The following RBFOX1 variants were observed in gnomAD, a reference collection of about 807,000 sequenced individuals.
RBFOX1 encodes the protein RNA binding fox-1 homolog 1.
In RBFOX1, 8 loss-of-function variants were observed where a neutral mutation model predicts 57.7. The observed-to-expected ratio is 0.14, with a 90% CI of 0.08 to 0.25. RBFOX1 has a LOEUF of 0.25. Ranked by LOEUF, RBFOX1 falls within the 10% of genes least tolerant of loss-of-function variation. RBFOX1 has a pLI of 1.00. For synonymous variants in RBFOX1, 326 were observed against 222.4 expected (o/e 1.47, Z -4.15); for missense variants, 611 against 548.5 (o/e 1.11, Z -1.14).
In RBFOX1 at chr16:7,147,951, C is replaced by A. The variant is rs74993258; in HGVS notation, c.27+95853C>A. 2.9e-3 allele frequency among the ~76,000 whole-genome samples: 440 copies of A among 152,300 alleles called. 3 individuals are homozygous for A. The highest frequency in any genetic ancestry group is 4.5e-3 in the Non-Finnish European group (307 of 68,022). The stretch of plus-strand genomic sequence containing the variant: ...TTCTCACCAACAGTGTAAATGCCTT[C>A]CTCAAGGAGTAATGCCTAGTTAGAA... On this transcript the variant is annotated intron_variant, in intron 4 of 15. Coordinates refer to ENST00000550418, the MANE Select transcript of RBFOX1 (RefSeq NM_018723.4).
At chr16:5,626,971 G>A (rs973866965) in intron 3 of RBFOX1, among the ~76,000 whole-genome samples, 1 of 152,110 alleles carries the variant, frequency 6.6e-6, no homozygotes, top group African/African-American at 2.4e-5. Context: ...AGATAAATCA[G>A]CTTCCTTTTA....
chr16:6,601,435 C>T (rs973860443), intron 2 of RBFOX1, among the ~76,000 whole-genome samples: 6 of 152,072 alleles, frequency 3.9e-5, no homozygotes, highest in South Asian at 2.1e-4. Context: ...GTCCTAAAAT[C>T]GGTGTTTGTC....
chr16:6,973,266 C>T (rs2085998078), intron 3 of RBFOX1, among the ~76,000 whole-genome samples: 1 of 152,128 alleles, frequency 6.6e-6, no homozygotes, highest in Non-Finnish European at 1.5e-5. Flanking sequence ...ACAGTAAGTA[C>T]TTGGAATCAA....
At chr16:7,575,308 C>A (rs910702269) in intron 5 of RBFOX1, among the ~76,000 whole-genome samples, 54 of 152,088 alleles carry the variant, frequency 3.6e-4, no homozygotes, top group African/African-American at 1.3e-3. Context: ...CTAATTTTTG[C>A]ACTTTTAGTA....
Position 7,360,718 on chromosome 16 carries a change from A to G in RBFOX1, c.28-157429A>G, listed in dbSNP as rs2097304279. On this transcript the variant is annotated intron_variant, in intron 4 of 15. Transcript: ENST00000550418. ...AAATCTTCTCTGGATAATGCTGTCA[A>G]CACACAGCCAATGTCCCACACACTG... Among the ~76,000 whole-genome samples the G allele has an allele frequency of 3.9e-5, 6 of 152,306 alleles. No homozygotes were observed. In the South Asian group the frequency reaches 1.2e-3, roughly 32 times the overall value.
chr16:7,655,626 A>G lies in RBFOX1; in HGVS notation c.890+1679A>G, dbSNP rs73492741. 2.5e-3 allele frequency among the ~76,000 whole-genome samples: 380 copies of G among 152,344 alleles called. 3 individuals are homozygous for G. Among genetic ancestry groups the G allele is most frequent in the African/African-American group, 8.3e-3 (347 of 41,580 alleles). On this transcript the variant is annotated intron_variant, in intron 12 of 15. Transcript: ENST00000550418. ...ATCATGTAATGAGTTATGAAGGAAAAAGAAAATCCCAAGTTACCTTTGGGC... is the reference window on the plus strand; with the variant it reads ...ATCATGTAATGAGTTATGAAGGAAAGAGAAAATCCCAAGTTACCTTTGGGC...
chr16:6,762,193 A>C (rs1222298765), intron 3 of RBFOX1, among the ~76,000 whole-genome samples: 1 of 140,292 alleles, frequency 7.1e-6, no homozygotes, highest in East Asian at 1.9e-4. Flanking sequence ...ATAGGGTTAT[A>C]ATTAGAATTA....
chr16:6,432,007 G>A (rs1439845054), intron 2 of RBFOX1, among the ~76,000 whole-genome samples: 1 of 148,248 alleles, frequency 6.7e-6, no homozygotes, highest in Non-Finnish European at 1.5e-5. Flanking sequence ...TATCACCAAG[G>A]CTGTAGTGCC....
At chr16:6,719,891 G>A (rs543703309) in intron 3 of RBFOX1, among the ~76,000 whole-genome samples, 5 of 151,894 alleles carry the variant, frequency 3.3e-5, no homozygotes, top group African/African-American at 9.6e-5. Context: ...TCAGGAGTTC[G>A]AGACCAGCCT....
chr16:7,078,229 A>G (rs998559909), intron 4 of RBFOX1, among the ~76,000 whole-genome samples: 4 of 152,208 alleles, frequency 2.6e-5, no homozygotes, highest in Non-Finnish European at 5.9e-5. Context: ...GCTGATGTCC[A>G]CTATACAGAG....
intron 3 of RBFOX1, among the ~76,000 whole-genome samples, chr16:6,950,563 G>C (rs747680728): frequency 6.6e-6 from 1 of 152,192 alleles, no homozygotes; most frequent in Non-Finnish European, 1.5e-5. Context: ...ATGAATGTGT[G>C]TTAGGAGACT....
At chr16:6,179,066 A>G (rs1351524929) in intron 1 of RBFOX1, among the ~76,000 whole-genome samples, 3 of 152,212 alleles carry the variant, frequency 2.0e-5, no homozygotes, top group Admixed American at 1.3e-4. Context: ...CATCTTGATA[A>G]GGTACTGGAA....
In RBFOX1 at chr16:7,191,630, T is replaced by A. The variant is rs78367865; in HGVS notation, c.27+139532T>A. 9.0e-3 allele frequency among the ~76,000 whole-genome samples: 1,365 copies of A among 152,362 alleles called. 20 individuals are homozygous for A. Among genetic ancestry groups the A allele is most frequent in the African/African-American group, 0.031 (1,297 of 41,592 alleles). The stretch of plus-strand genomic sequence containing the variant: ...TAATAAGCAAGTAGATTAGATTTGC[T>A]TTTAAGCTAGGCATATCATTACAGT... On this transcript the variant is annotated intron_variant, in intron 4 of 15. Transcript: ENST00000550418.
intron 1 of RBFOX1, among the ~76,000 whole-genome samples, chr16:5,355,007 ATGAG>A (rs1244695715): frequency 3.8e-5 from 3 of 78,586 alleles, no homozygotes; most frequent in Non-Finnish European, 1.1e-4. Flanking sequence ...GTATGTGTAT[ATGAG>A]AGAGAGAGAG....
At chr16:7,007,789 A>G (rs371965612) in intron 3 of RBFOX1, among the ~76,000 whole-genome samples, 2 of 152,290 alleles carry the variant, frequency 1.3e-5, no homozygotes, top group East Asian at 3.9e-4. Flanking sequence ...GGATGGGGTA[A>G]GGCTGCTGCC....
In RBFOX1 at chr16:6,019,686, G is replaced by A. The variant is rs1212800536; in HGVS notation, c.-433G>A. 1.6e-5 allele frequency: 22 copies of A among 1,333,922 alleles called. No homozygotes were observed. The Admixed American group carries it at 5.5e-4, about 33-fold the overall frequency. The allele number at this position is 1,333,922 out of a possible 1,614,324, so 82.6% of individuals were successfully genotyped here. Reference sequence around the variant, plus strand: ...CCGGCGTCCGGAGCAGGAGAACTCCGAGCTTCTTGCCCAGGCAGAGAGAGC... The same window carrying A: ...CCGGCGTCCGGAGCAGGAGAACTCCAAGCTTCTTGCCCAGGCAGAGAGAGC... On this transcript the variant is annotated 5_prime_UTR_variant, in exon 1 of 16. Coordinates refer to ENST00000550418, the MANE Select transcript of RBFOX1 (RefSeq NM_018723.4). The surrounding 1 kb of genome is among the most constrained non-coding windows in gnomAD (Gnocchi z 4.2).
chr16:5,292,004 T>G (rs2063547422), intron 1 of RBFOX1, among the ~76,000 whole-genome samples: 1 of 152,168 alleles, frequency 6.6e-6, no homozygotes, highest in South Asian at 2.1e-4. Flanking sequence ...ACTTTTTTTT[T>G]TTTTCAACAG....
At chr16:6,701,804 C>G (rs915283627) in intron 3 of RBFOX1, among the ~76,000 whole-genome samples, 1 of 152,136 alleles carries the variant, frequency 6.6e-6, no homozygotes, top group Non-Finnish European at 1.5e-5. Context: ...TTTGCAGCAA[C>G]ATGGATGGAA....
intron 4 of RBFOX1, among the ~76,000 whole-genome samples, chr16:7,161,504 A>G (rs762328844): frequency 1.2e-4 from 18 of 152,200 alleles, no homozygotes; most frequent in Non-Finnish European, 2.5e-4. Flanking sequence ...GGGGTTAGGA[A>G]TCATTTTTAA....
Sources: allele counts gnomAD v4.1 joint callset (sites outside exome capture counted in the v4.1 genomes callset), GRCh38; gene constraint gnomAD v4.1.1; non-coding constraint Gnocchi (gnomAD v3.1); transcripts MANE v1.5; gene names NCBI Gene and HGNC (gene_info 2026-07-23, HGNC 2026-07-21).